Variants in CNTNAP2 observed in about 807,000 individuals in gnomAD.
The protein encoded by CNTNAP2 is contactin associated protein 2.
In CNTNAP2, 98 loss-of-function variants were observed where a neutral mutation model predicts 155.2. The ratio of observed to expected loss-of-function variants is 0.63; its 90% CI spans 0.54 to 0.75. CNTNAP2 has a LOEUF of 0.75. Among genes scored for constraint, CNTNAP2 ranks in the 30% least tolerant of loss-of-function variants. CNTNAP2 has a pLI of 0.00. For missense variants in CNTNAP2, 1,727 were observed against 1,688.1 expected (o/e 1.02, Z -0.40); for synonymous variants, 651 against 631.2 (o/e 1.03, Z -0.47).
At chr7:148,175,850 C>G (rs1794924922) in intron 18 of CNTNAP2, among the ~76,000 whole-genome samples, 1 of 152,104 alleles carries the variant, frequency 6.6e-6, no homozygotes, top group African/African-American at 2.4e-5. Context: ...CCCCATCCTC[C>G]TTATCATCCT....
At chr7:148,309,756 C>T (rs186298819) in intron 21 of CNTNAP2, among the ~76,000 whole-genome samples, 380 of 152,130 alleles carry the variant, frequency 2.5e-3, no homozygotes, top group African/African-American at 8.3e-3. Flanking sequence ...AGGCAGGAAC[C>T]GGCCATCTGG....
At chr7:146,924,088 T>A (rs1441259160) in intron 3 of CNTNAP2, among the ~76,000 whole-genome samples, 2 of 152,114 alleles carry the variant, frequency 1.3e-5, no homozygotes, top group African/African-American at 4.8e-5. Flanking sequence ...TTGAGCTGAA[T>A]GAATTCTTGT....
chr7:147,404,340 CTG>C (rs1305654165), intron 10 of CNTNAP2, among the ~76,000 whole-genome samples: 3 of 152,192 alleles, frequency 2.0e-5, no homozygotes, highest in African/African-American at 7.2e-5. Context: ...CTTTTAGAGA[CTG>C]TGCTTCGGAC....
chr7:147,894,957 CTTTCTTTCTTTT>C lies in CNTNAP2; in HGVS notation c.2099-8604_2099-8593del, dbSNP rs1424620184. The stretch of plus-strand genomic sequence containing the variant: ...TTTCTTTTTCTTTCTTTCTTTCTTT[CTTTCTTTCTTTT>C]TTTTTTTTTTTTTTTTTTTGAGACA... On this transcript the variant is annotated intron_variant, in intron 13 of 23. Coordinates refer to ENST00000361727, the MANE Select transcript of CNTNAP2 (RefSeq NM_014141.6). 8.9e-3 allele frequency among the ~76,000 whole-genome samples: 558 copies of C among 62,718 alleles called. 9 individuals are homozygous for C. Among genetic ancestry groups the C allele is most frequent in the African/African-American group, 0.047 (530 of 11,200 alleles). The allele number at this position is 62,718 out of a possible 152,430, so 41.1% of individuals were successfully genotyped here. A position where few individuals can be genotyped will look rare whatever the true frequency, so the allele number is the denominator to read the frequency against.
At chr7:146,791,409 A>G (rs183271830) in intron 2 of CNTNAP2, among the ~76,000 whole-genome samples, 8 of 152,320 alleles carry the variant, frequency 5.3e-5, no homozygotes, top group African/African-American at 1.7e-4. Context: ...ATACATGTGC[A>G]TGTGTCTTTA....
intron 15 of CNTNAP2, among the ~76,000 whole-genome samples, chr7:148,061,864 G>GATAAACAGAT (rs1803140367): frequency 6.8e-6 from 1 of 147,564 alleles, no homozygotes; most frequent in African/African-American, 2.5e-5. Flanking sequence ...GATATAGATA[G>GATAAACAGAT]ATAGATAAAC....
intron 10 of CNTNAP2, among the ~76,000 whole-genome samples, chr7:147,453,925 T>C (rs1282306000): frequency 6.6e-6 from 1 of 152,144 alleles, no homozygotes; most frequent in Non-Finnish European, 1.5e-5. Flanking sequence ...AAAGGGAAAA[T>C]TTGTGTTAAT....
intron 1 of CNTNAP2, among the ~76,000 whole-genome samples, chr7:146,634,838 T>A (rs888764371): frequency 2.0e-5 from 3 of 152,182 alleles, no homozygotes; most frequent in African/African-American, 7.2e-5. Flanking sequence ...CTGCAATGTT[T>A]TTTGTCACTC....
chr7:146,692,940 A>G (rs1018969224), intron 1 of CNTNAP2, among the ~76,000 whole-genome samples: 3 of 152,118 alleles, frequency 2.0e-5, no homozygotes, highest in Non-Finnish European at 4.4e-5. Flanking sequence ...CATGAAATAC[A>G]CTATCCATTA....
At chr7:147,667,795 C>CAAAA (rs549630597) in intron 13 of CNTNAP2, among the ~76,000 whole-genome samples, 2 of 129,616 alleles carry the variant, frequency 1.5e-5, no homozygotes, top group African/African-American at 5.6e-5. Context: ...GCTGCTGCTG[C>CAAAA]AAAAAAAAAA....
At chr7:146,300,593 A>G (rs1229553998) in intron 1 of CNTNAP2, among the ~76,000 whole-genome samples, 2 of 152,176 alleles carry the variant, frequency 1.3e-5, no homozygotes, top group Non-Finnish European at 2.9e-5. Flanking sequence ...ACTTAAGAGG[A>G]AAAATATAGC....
At chr7:148,138,719 A>T (rs1805005023) in intron 16 of CNTNAP2, among the ~76,000 whole-genome samples, 1 of 151,988 alleles carries the variant, frequency 6.6e-6, no homozygotes, top group Non-Finnish European at 1.5e-5. Flanking sequence ...TGGGACCTTT[A>T]TCTATTCTTC....
rs1309254523 is a variant in CNTNAP2 at position 148,331,781 on chromosome 7, C to T, written c.3476-51868C>T. On this transcript the variant is annotated intron_variant, in intron 21 of 23. Coordinates refer to ENST00000361727, the MANE Select transcript of CNTNAP2 (RefSeq NM_014141.6). ...GGATGGATTGGATGGATGGAATGGA[C>T]AGATGGAGTGGATGGATAGAATGGC... is the stretch of plus-strand genomic sequence containing the variant. 6.1e-4 allele frequency among the ~76,000 whole-genome samples: 35 copies of T among 57,408 alleles called. 4 individuals are homozygous for T. Among genetic ancestry groups the T allele is most frequent in the East Asian group, 1.4e-3 (3 of 2,192 alleles). 37.7% of individuals were successfully genotyped at this position (57,408 alleles called of 152,430 possible). A position where few individuals can be genotyped will look rare whatever the true frequency, so the allele number is the denominator to read the frequency against.
intron 21 of CNTNAP2, among the ~76,000 whole-genome samples, chr7:148,312,243 A>G (rs1585263264): frequency 6.6e-6 from 1 of 152,284 alleles, no homozygotes; most frequent in Non-Finnish European, 1.5e-5. Flanking sequence ...CGCACTAACC[A>G]TGCCTAGGAA....
intron 3 of CNTNAP2, among the ~76,000 whole-genome samples, chr7:146,936,089 C>T (rs796903587): frequency 1.1e-4 from 16 of 152,038 alleles, no homozygotes; most frequent in African/African-American, 3.4e-4. Context: ...GTGCTAAGAC[C>T]GGAAACCCAA....
At chr7:147,914,949 G>A (rs1402438524) in intron 14 of CNTNAP2, among the ~76,000 whole-genome samples, 1 of 152,126 alleles carries the variant, frequency 6.6e-6, no homozygotes, top group Admixed American at 6.5e-5. Flanking sequence ...AATAGATTAA[G>A]GATGTAGGAC....
chr7:146,280,557 AC>A (rs1372609203), intron 1 of CNTNAP2, among the ~76,000 whole-genome samples: 3 of 152,052 alleles, frequency 2.0e-5, no homozygotes, highest in African/African-American at 4.8e-5. Flanking sequence ...CTAGTAATGA[AC>A]CCTCATTGGA....
chr7:147,104,832 T>G (rs1325272281), intron 4 of CNTNAP2, among the ~76,000 whole-genome samples: 1 of 144,512 alleles, frequency 6.9e-6, no homozygotes, highest in Non-Finnish European at 1.5e-5. Context: ...AAATTCTCCC[T>G]CTCTCTCTCC....
intron 1 of CNTNAP2, among the ~76,000 whole-genome samples, chr7:146,630,688 C>T (rs960802382): frequency 1.3e-5 from 2 of 151,728 alleles, no homozygotes; most frequent in Non-Finnish European, 2.9e-5. Flanking sequence ...GGCATGAGAT[C>T]GTATCTCACT....
Sources: gnomAD v4.1 joint callset for allele counts (sites outside exome capture counted in the v4.1 genomes callset) on GRCh38, gnomAD v4.1.1 for gene constraint, MANE v1.5 for transcripts, NCBI Gene and HGNC (gene_info 2026-07-23, HGNC 2026-07-21) for gene names.